Variants in ABCB5 observed in about 807,000 individuals in gnomAD.
ABCB5 encodes the protein ATP-binding cassette sub-family B member 5.
ABCB5 carries 155 observed loss-of-function variants against 144.2 expected under a neutral mutation model. That is an observed-to-expected ratio of 1.08 (90% CI 0.94 to 1.23). The LOEUF is 1.23. Ranked by LOEUF, ABCB5 falls within the 50% of genes most tolerant of loss-of-function variation. ABCB5 has a pLI of 0.00. For synonymous variants in ABCB5, 610 were observed against 528.6 expected, an observed-to-expected ratio of 1.15 and a Z score of -2.11; for missense variants, 1,830 against 1,520.8, an observed-to-expected ratio of 1.20 and a Z score of -3.38.
intron 14 of ABCB5, among the ~76,000 whole-genome samples, chr7:20,661,534 C>CTCTTTTTTTTTTTTTTTT (rs1406657803): frequency 7.6e-6 from 1 of 132,386 alleles, no homozygotes; most frequent in African/African-American, 3.2e-5. Context: ...TCTTTCTTTT[C>CTCTTTTTTTTTTTTTTTT]TTTTTCTTTT....
At chr7:20,649,278 C>T (rs992880231) in intron 11 of ABCB5, among the ~76,000 whole-genome samples, 2 of 152,112 alleles carry the variant, frequency 1.3e-5, no homozygotes, top group Non-Finnish European at 2.9e-5. Context: ...TTGGCTTATG[C>T]AAAGGGTCCA....
At chr7:20,669,812 G>A (rs1016675022) in intron 14 of ABCB5, among the ~76,000 whole-genome samples, 1 of 144,954 alleles carries the variant, frequency 6.9e-6, no homozygotes, top group African/African-American at 2.5e-5. Context: ...TGAGCCAGTA[G>A]GCTAGGTGCC....
intron 14 of ABCB5, among the ~76,000 whole-genome samples, chr7:20,665,768 G>C (rs1136392): frequency 0.12 from 15,222 of 124,838 alleles, 1,108 homozygotes; most frequent in Middle Eastern, 0.22. Flanking sequence ...GATAGATAGA[G>C]ATACATACAT....
At chr7:20,735,926 T>C (rs1027473570) in intron 23 of ABCB5, among the ~76,000 whole-genome samples, 2 of 152,228 alleles carry the variant, frequency 1.3e-5, no homozygotes, top group Non-Finnish European at 2.9e-5. Flanking sequence ...GTATCTTGTA[T>C]ATGAAAACAT....
chr7:20,731,369 A>AAAAAAAAAAAATATATAT (rs57305244), intron 23 of ABCB5, among the ~76,000 whole-genome samples: 49 of 123,056 alleles, frequency 4.0e-4, no homozygotes, highest in African/African-American at 1.6e-3. Flanking sequence ...AAAAAAAAAA[A>AAAAAAAAAAAATATATAT]ATATATATAT....
chr7:20,639,081 T>C (rs1461093673), intron 5 of ABCB5, among the ~76,000 whole-genome samples: 1 of 152,234 alleles, frequency 6.6e-6, no homozygotes. Context: ...TATTATAATA[T>C]GACTTTAACT....
chr7:20,700,231 T>G (rs1786574039), intron 19 of ABCB5, 96 bp downstream of exon 19: 7 of 1,097,228 alleles, frequency 6.4e-6, no homozygotes, highest in Non-Finnish European at 9.0e-6. Flanking sequence ...TGACATAATC[T>G]TTCTTTGAAA....
At chr7:20,667,248 G>T in intron 14 of ABCB5, 1 of 979,174 alleles carries the variant, frequency 1.0e-6, no homozygotes, top group Non-Finnish European at 1.2e-6. Flanking sequence ...TTTAGGCCAG[G>T]AGCCTGGCAA....
intron 20 of ABCB5, among the ~76,000 whole-genome samples, chr7:20,707,801 C>T (rs909267233): frequency 1.6e-3 from 153 of 93,034 alleles, no homozygotes; most frequent in Non-Finnish European, 1.9e-3. Flanking sequence ...AACCTCATTT[C>T]TTTTTTTTTT....
Position 20,684,334 on chromosome 7 carries a change from CCTT to C in ABCB5, c.1870-1359_1870-1357del, listed in dbSNP as rs537271911. 3.9e-5 allele frequency among the ~76,000 whole-genome samples: 6 copies of C among 152,264 alleles called. 1 individual carries two copies. The South Asian group carries it at 1.2e-3, about 32-fold the overall frequency. ...CTGTCATCATTATTTTGTCCAGCGA[CCTT>C]CTCAAGAAAAGAAAATTTCCTTGAC... On this transcript the variant is annotated intron_variant, in intron 15 of 27. Transcript: ENST00000404938.
intron 16 of ABCB5, among the ~76,000 whole-genome samples, chr7:20,689,585 G>T (rs150869451): frequency 5.9e-5 from 9 of 152,216 alleles, no homozygotes; most frequent in African/African-American, 2.2e-4. Context: ...TAAGCCAAGA[G>T]CTAGAGAAAG....
intron 14 of ABCB5, among the ~76,000 whole-genome samples, chr7:20,668,092 C>T (rs1785272491): frequency 1.8e-5 from 2 of 113,944 alleles, no homozygotes; most frequent in African/African-American, 3.8e-5. Flanking sequence ...CTCCCAGCCG[C>T]CTGCCTTGGC....
chr7:20,725,309 G>A (rs559151718), intron 21 of ABCB5, among the ~76,000 whole-genome samples: 5 of 152,198 alleles, frequency 3.3e-5, no homozygotes, highest in South Asian at 4.1e-4. Context: ...GGCCAGGTGC[G>A]CTGGCTTACG....
Position 20,628,672 on chromosome 7 carries a change from G to A in ABCB5, c.109-16G>A, listed in dbSNP as rs1222525122. ...TGTTTTACAGTTGTGGTGCTACCGT[G>A]CTTTGTTTTCCTCAGTTCCGCTTTG... On this transcript the variant is annotated splice_polypyrimidine_tract_variant and intron_variant, in intron 3 of 27. Coordinates refer to ENST00000404938, the MANE Select transcript of ABCB5 (RefSeq NM_001163941.2). The A allele has an allele frequency of 6.2e-7, 1 of 1,608,658 alleles. No individual in the cohort carries two copies. The highest frequency in any genetic ancestry group is 1.1e-5 in the South Asian group (1 of 90,152).
chr7:20,685,634 A>G, intron 15 of ABCB5, 62 bp from the exon 16 acceptor site: 1 of 1,435,234 alleles, frequency 7.0e-7, no homozygotes, highest in Non-Finnish European at 9.5e-7. Context: ...GAGATGCTTA[A>G]TAAGTTTCCT....
intron 26 of ABCB5, among the ~76,000 whole-genome samples, chr7:20,747,905 T>C (rs1023246896): frequency 5.3e-5 from 8 of 152,130 alleles, no homozygotes; most frequent in Non-Finnish European, 1.2e-4. Flanking sequence ...CTGGGGAGAA[T>C]AAGGCTGCCC....
intron 16 of ABCB5, among the ~76,000 whole-genome samples, chr7:20,696,305 G>A (rs1786412707): frequency 6.6e-6 from 1 of 152,064 alleles, no homozygotes; most frequent in South Asian, 2.1e-4. Flanking sequence ...AGCAAAACAA[G>A]CTATCTGAAA....
intron 1 of ABCB5, among the ~76,000 whole-genome samples, chr7:20,620,655 A>G (rs886270801): frequency 3.3e-5 from 5 of 152,136 alleles, no homozygotes; most frequent in Non-Finnish European, 5.9e-5. Flanking sequence ...CAACATCACT[A>G]GTCATTAGGG....
intron 25 of ABCB5, 31 bp from the exon 26 acceptor site, chr7:20,745,201 A>C (rs777457425): frequency 1.5e-5 from 24 of 1,603,956 alleles, no homozygotes; most frequent in South Asian, 7.7e-5. Flanking sequence ...GTGTGATCTT[A>C]ACACACCATT....
Sources: allele counts gnomAD v4.1 joint callset (sites outside exome capture counted in the v4.1 genomes callset), GRCh38; gene constraint gnomAD v4.1.1; transcripts MANE v1.5; gene names NCBI Gene and HGNC (gene_info 2026-07-23, HGNC 2026-07-21).